Variants in RARS1 observed in about 807,000 individuals in gnomAD.
The protein encoded by RARS1 is arginyl-tRNA synthetase 1.
RARS1 carries 75 observed loss-of-function variants against 78.7 expected under a neutral mutation model. The observed-to-expected ratio is 0.95, with a 90% CI of 0.79 to 1.15. RARS1 has a LOEUF of 1.15. Ranked by LOEUF, RARS1 falls within the 50% of genes most tolerant of loss-of-function variation. The pLI is 0.00. For missense variants in RARS1, 787 were observed against 787.5 expected (o/e 1.00, Z 0.01); for synonymous variants, 273 against 268.2 (o/e 1.02, Z -0.18).
At chr5:168,491,317 A>G (rs1473275982) in intron 2 of RARS1, among the ~76,000 whole-genome samples, 2 of 152,182 alleles carry the variant, frequency 1.3e-5, no homozygotes, top group Non-Finnish European at 2.9e-5. Flanking sequence ...CTGTCATGCC[A>G]CTGCACTTTA....
chr5:168,496,479 G>A (rs1758190101), intron 6 of RARS1, among the ~76,000 whole-genome samples: 1 of 151,498 alleles, frequency 6.6e-6, no homozygotes, highest in African/African-American at 2.4e-5. Flanking sequence ...AGAGAAGTGG[G>A]TTGGATCAAC....
chr5:168,515,399 A>G (rs1195533728), intron 12 of RARS1, among the ~76,000 whole-genome samples: 1 of 152,006 alleles, frequency 6.6e-6, no homozygotes, highest in Non-Finnish European at 1.5e-5. Flanking sequence ...TGATCCTTCC[A>G]CCTCAGACTC....
chr5:168,513,219 G>GT lies in RARS1; in HGVS notation c.1452+2534dup, dbSNP rs1279957065. Among the ~76,000 whole-genome samples the GT allele has an allele frequency of 1.1e-3, 140 of 122,284 alleles. 1 individual carries two copies. The highest frequency in any genetic ancestry group is 2.0e-3 in the Admixed American group (25 of 12,250). 80.2% of individuals were successfully genotyped at this position (122,284 alleles called of 152,430 possible). A position where few individuals can be genotyped will look rare whatever the true frequency, so the allele number is the denominator to read the frequency against. Reference sequence around the variant, plus strand: ...CACCATCACGCCCTGCTAATTTTTTGTATTTTTTTTTTTTTTTTTTAGTAG... The same window carrying GT: ...CACCATCACGCCCTGCTAATTTTTTGTTATTTTTTTTTTTTTTTTTTAGTAG... On this transcript the variant is annotated intron_variant, in intron 12 of 14. Transcript: ENST00000231572.
intron 1 of RARS1, among the ~76,000 whole-genome samples, chr5:168,486,810 G>T (rs972165300): frequency 1.3e-5 from 2 of 152,122 alleles, no homozygotes; most frequent in Non-Finnish European, 1.5e-5. Flanking sequence ...GTGGGCTGGA[G>T]CCTGGCATGT....
In RARS1 at chr5:168,517,997, A is replaced by G; in HGVS notation, c.1808A>G (p.Glu603Gly). The change falls in exon 14 of 15, where the codon GAG becomes GGG. Residue 603 changes from glutamate (E) to glycine (G), a missense_variant. Glu to Gly is a moderately conservative substitution (Grantham distance 98, BLOSUM62 -2). Transcript: ENST00000231572. ...FLHTLCDYIY[E>G]LATAFTEFYD... ...CACACTCTCTGTGATTATATATATG[A>G]GCTGGCAACTGCTTTCACAGAGTTC... 3 of 1,582,166 alleles carry G rather than the reference A, an allele frequency of 1.9e-6. No individual in the cohort carries two copies. Among genetic ancestry groups the G allele is most frequent in the Admixed American group, 3.4e-5 (2 of 58,004 alleles).
At position 168,519,261 on chromosome 5, in the gene RARS1, ATG is replaced by A. The variant is rs1430310892; in HGVS notation, c.*74_*75del. 8.6e-7 allele frequency: 1 copy of A among 1,163,508 alleles called. No individual in the cohort carries two copies. Among genetic ancestry groups the A allele is most frequent in the African/African-American group, 1.5e-5 (1 of 64,646 alleles). 72.1% of individuals were successfully genotyped at this position (1,163,508 alleles called of 1,614,324 possible). A position where few individuals can be genotyped will look rare whatever the true frequency, so the allele number is the denominator to read the frequency against. ...TGGCACTGTTTGCTTTTTTACAATC[ATG>A]TGGACACAAGCATAAGTAAAGAAAA... On this transcript the variant is annotated 3_prime_UTR_variant, in exon 15 of 15. Transcript: ENST00000231572.
rs143721376 is a variant in RARS1 at position 168,488,982 on chromosome 5, T to G, written c.180+246T>G. Among the ~76,000 whole-genome samples, 12 of 152,336 alleles carry G rather than the reference T, an allele frequency of 7.9e-5. No individual in the cohort carries two copies. The East Asian group carries it at 2.3e-3, about 29-fold the overall frequency. ...TCATCCTGCTAACTGTTTGGCTAAC[T>G]TAAAGTAGGATTTAGGTAGGGTTGA... On this transcript the variant is annotated intron_variant, in intron 2 of 14. Transcript: ENST00000231572.
intron 8 of RARS1, 64 bp from the exon 9 acceptor site, chr5:168,501,937 A>G (rs1758333520): frequency 6.5e-7 from 1 of 1,546,350 alleles, no homozygotes; most frequent in Non-Finnish European, 8.7e-7. Flanking sequence ...TGTAAGATGC[A>G]TGTTTCCTGT....
Position 168,495,451 on chromosome 5 carries a change from C to G in RARS1, c.701+15C>G, listed in dbSNP as rs1359945655. Reference sequence around the variant, plus strand: ...GACGTGCTCAGGTATGTGCTCTTGCCTTGCGTACTATTCTCTTTCCTTATT... The same window carrying G: ...GACGTGCTCAGGTATGTGCTCTTGCGTTGCGTACTATTCTCTTTCCTTATT... On this transcript the variant is annotated intron_variant, in intron 6 of 14. Transcript: ENST00000231572. The G allele has an allele frequency of 6.2e-7, 1 of 1,606,752 alleles. No individual in the cohort carries two copies. Among genetic ancestry groups the G allele is most frequent in the Non-Finnish European group, 8.5e-7 (1 of 1,175,394 alleles).
At chr5:168,507,011 T>C (rs1453791173) in intron 11 of RARS1, among the ~76,000 whole-genome samples, 180 bp downstream of exon 11, 1 of 152,188 alleles carries the variant, frequency 6.6e-6, no homozygotes, top group Non-Finnish European at 1.5e-5. Flanking sequence ...GAATGTAGCC[T>C]TTTAGGTAGA....
chr5:168,491,863 A>T (rs1202318374), intron 2 of RARS1, among the ~76,000 whole-genome samples: 1 of 152,038 alleles, frequency 6.6e-6, no homozygotes, highest in African/African-American at 2.4e-5. Flanking sequence ...TGTGATGAAC[A>T]TGTTGATGAA....
chr5:168,515,111 A>G (rs1435106940), intron 12 of RARS1, among the ~76,000 whole-genome samples: 1 of 152,170 alleles, frequency 6.6e-6, no homozygotes, highest in East Asian at 1.9e-4. Flanking sequence ...TCTCTTTGGT[A>G]AGGTGATAGT....
intron 9 of RARS1, among the ~76,000 whole-genome samples, chr5:168,505,592 G>T (rs1399481820): frequency 1.3e-5 from 2 of 151,948 alleles, no homozygotes; most frequent in Non-Finnish European, 2.9e-5. Context: ...GAGTTTGGGA[G>T]GCCAGGCATG....
At chr5:168,505,714 G>GAAAAAAAAAAAAA (rs60743864) in intron 9 of RARS1, among the ~76,000 whole-genome samples, 4 of 114,246 alleles carry the variant, frequency 3.5e-5, no homozygotes, top group Non-Finnish European at 7.2e-5. Context: ...TATCAAAAAA[G>GAAAAAAAAAAAAA]AAAAAAAAAA....
chr5:168,489,812 C>CTTTTT (rs35560247), intron 2 of RARS1, among the ~76,000 whole-genome samples: 4 of 130,314 alleles, frequency 3.1e-5, no homozygotes, highest in Non-Finnish European at 4.8e-5. Context: ...CTCATATTAT[C>CTTTTT]TTTTTTTTTT....
At chr5:168,499,749 G>A (rs985207606) in intron 7 of RARS1, among the ~76,000 whole-genome samples, 6 of 151,722 alleles carry the variant, frequency 4.0e-5, no homozygotes, top group African/African-American at 1.5e-4. Flanking sequence ...AAACATATAT[G>A]TGTATTTGCA....
At chr5:168,507,797 T>C (rs545324040) in intron 11 of RARS1, among the ~76,000 whole-genome samples, 1 of 151,254 alleles carries the variant, frequency 6.6e-6, no homozygotes, top group Admixed American at 6.6e-5. Flanking sequence ...TCCAGCACTT[T>C]AGGAAGCCAA....
chr5:168,517,905 G>A lies in RARS1; in HGVS notation c.1716G>A (p.Trp572Ter). The A allele has an allele frequency of 1.2e-6, 2 of 1,613,632 alleles. No homozygotes were observed. Among genetic ancestry groups the A allele is most frequent in the Middle Eastern group, 1.6e-4 (1 of 6,062 alleles). Residue 572 changes from tryptophan to a stop codon, truncating the protein, a stop_gained, in exon 14 of 15, where the codon TGG (tryptophan) becomes TGA (stop). Coordinates refer to ENST00000231572, the MANE Select transcript of RARS1 (RefSeq NM_002887.4). LOFTEE classifies it high-confidence loss of function. ...TKILLDHEKE[W>*]KLGRCILRFP... The stretch of plus-strand genomic sequence containing the variant: ...TTCTTTTGGATCATGAGAAGGAATG[G>A]AAACTAGGCCGGTGCATTTTACGGT...
chr5:168,495,308 A>G lies in RARS1; in HGVS notation c.580-7A>G. The G allele has an allele frequency of 1.2e-6, 2 of 1,612,756 alleles. No homozygotes were observed. The highest frequency in any genetic ancestry group is 1.1e-5 in the South Asian group (1 of 90,898). ...CTTAACAGCCTTTCTCTTTTTGTCT[A>G]CCCCAGGTTATAGTTGACTTTTCCT... On this transcript the variant is annotated splice_polypyrimidine_tract_variant and splice_region_variant and intron_variant, in intron 5 of 14. Transcript: ENST00000231572.
Sources: gnomAD v4.1 joint callset for allele counts (sites outside exome capture counted in the v4.1 genomes callset) on GRCh38, gnomAD v4.1.1 for gene constraint, MANE v1.5 for transcripts, NCBI Gene and HGNC (gene_info 2026-07-23, HGNC 2026-07-21) for gene names.